The following CADPS2 variants were observed in gnomAD, a reference collection of about 807,000 sequenced individuals.
CADPS2 encodes calcium-dependent secretion activator 2.
A neutral mutation model predicts 172.5 loss-of-function variants in CADPS2; 93 were observed. The ratio of observed to expected loss-of-function variants is 0.54; its 90% CI spans 0.46 to 0.64. The LOEUF is 0.64. CADPS2 is among the 30% of genes least tolerant of loss of function. The pLI is 0.00. For synonymous variants in CADPS2, 546 were observed against 555.2 expected, an observed-to-expected ratio of 0.98 and a Z score of 0.23; for missense variants, 1,420 against 1,565.9, an observed-to-expected ratio of 0.91 and a Z score of 1.57.
intron 4 of CADPS2, among the ~76,000 whole-genome samples, chr7:122,626,303 G>A (rs894918690): frequency 6.6e-6 from 1 of 152,150 alleles, no homozygotes; most frequent in Non-Finnish European, 1.5e-5. Context: ...CAATGATCCA[G>A]ACAAGAGACA....
chr7:122,639,551 C>T (rs2077391606), intron 3 of CADPS2, among the ~76,000 whole-genome samples: 1 of 152,114 alleles, frequency 6.6e-6, no homozygotes, highest in Non-Finnish European at 1.5e-5. Context: ...TAGCTCTCCA[C>T]AATTTATTAC....
intron 6 of CADPS2, among the ~76,000 whole-genome samples, chr7:122,596,607 C>A (rs1463822896): frequency 6.6e-6 from 1 of 152,106 alleles, no homozygotes; most frequent in African/African-American, 2.4e-5. Context: ...GAAGTCATTA[C>A]CTATGTATGT....
intron 2 of CADPS2, among the ~76,000 whole-genome samples, chr7:122,717,885 C>T (rs1413556713): frequency 1.3e-5 from 2 of 151,626 alleles, no homozygotes; most frequent in Non-Finnish European, 2.9e-5. Context: ...TCATAGGTCA[C>T]TGCAGCCTTA....
At chr7:122,600,575 A>G (rs766439377) in intron 6 of CADPS2, among the ~76,000 whole-genome samples, 2 of 152,132 alleles carry the variant, frequency 1.3e-5, no homozygotes, top group Non-Finnish European at 2.9e-5. Flanking sequence ...AGTTTGCCAC[A>G]GCAGAAATCA....
intron 2 of CADPS2, chr7:122,676,757 A>G: frequency 7.8e-7 from 1 of 1,276,512 alleles, no homozygotes; most frequent in Non-Finnish European, 1.1e-6. Flanking sequence ...ATTATCATGG[A>G]GAAACTTCTC....
chr7:122,737,945 C>T (rs1323536497), intron 1 of CADPS2, among the ~76,000 whole-genome samples: 2 of 152,030 alleles, frequency 1.3e-5, no homozygotes, highest in Non-Finnish European at 2.9e-5. Context: ...AAACATACAT[C>T]AATACCTGAG....
intron 6 of CADPS2, chr7:122,585,590 A>AT (rs1299518383): frequency 6.6e-6 from 1 of 151,806 alleles, no homozygotes; most frequent in African/African-American, 2.4e-5. Context: ...AATACCAGTT[A>AT]TTGTCTTCCC....
chr7:122,414,318 AG>A (rs2047638216), intron 18 of CADPS2, among the ~76,000 whole-genome samples: 1 of 152,200 alleles, frequency 6.6e-6, no homozygotes, highest in Non-Finnish European at 1.5e-5. Flanking sequence ...AGTGATTGCA[AG>A]AAGTATAATT....
chr7:122,594,792 A>G (rs1174000163), intron 6 of CADPS2, among the ~76,000 whole-genome samples: 1 of 151,790 alleles, frequency 6.6e-6, no homozygotes, highest in Non-Finnish European at 1.5e-5. Context: ...ATTTTACTTG[A>G]CCAAGTAAAA....
At chr7:122,560,110 C>A (rs2065553887) in intron 7 of CADPS2, among the ~76,000 whole-genome samples, 1 of 152,060 alleles carries the variant, frequency 6.6e-6, no homozygotes, top group South Asian at 2.1e-4. Context: ...AGGGACATAT[C>A]ATGTTTGAGG....
intron 2 of CADPS2, among the ~76,000 whole-genome samples, chr7:122,715,472 G>T (rs6466836): frequency 0.86 from 130,871 of 152,038 alleles, 56,396 homozygotes; most frequent in Middle Eastern, 0.93. Context: ...TCCGTGCCTT[G>T]TAATTTAAAA....
At chr7:122,872,873 A>G (rs1820141685) in intron 1 of CADPS2, among the ~76,000 whole-genome samples, 1 of 152,160 alleles carries the variant, frequency 6.6e-6, no homozygotes, top group African/African-American at 2.4e-5. Context: ...CAATTTCCAG[A>G]GGAATGTCCA....
intron 25 of CADPS2, among the ~76,000 whole-genome samples, chr7:122,362,901 A>C (rs2040363315): frequency 6.6e-6 from 1 of 152,206 alleles, no homozygotes; most frequent in Admixed American, 6.5e-5. Flanking sequence ...TTTCTCCATC[A>C]CATCATTTGC....
At chr7:122,494,345 T>C (rs1168909912) in intron 9 of CADPS2, among the ~76,000 whole-genome samples, 1 of 152,192 alleles carries the variant, frequency 6.6e-6, no homozygotes, top group Non-Finnish European at 1.5e-5. Context: ...TGTATATGCA[T>C]TGTGTTCACT....
chr7:122,399,241 T>C (rs1043797423), intron 20 of CADPS2, among the ~76,000 whole-genome samples: 101 of 152,356 alleles, frequency 6.6e-4, no homozygotes, highest in African/African-American at 2.0e-3. Flanking sequence ...ATTTGAGTTA[T>C]ACTTCTACAA....
chr7:122,513,587 A>G (rs569327592), intron 8 of CADPS2, among the ~76,000 whole-genome samples: 1 of 152,358 alleles, frequency 6.6e-6, no homozygotes, highest in Non-Finnish European at 1.5e-5. Flanking sequence ...GGATAATCAA[A>G]GAACCAGTAG....
At chr7:122,812,877 C>G (rs539058769) in intron 1 of CADPS2, among the ~76,000 whole-genome samples, 3 of 152,130 alleles carry the variant, frequency 2.0e-5, no homozygotes, top group Non-Finnish European at 4.4e-5. Context: ...CTAGTACAAA[C>G]TTACTCTACA....
intron 1 of CADPS2, among the ~76,000 whole-genome samples, chr7:122,800,881 C>T (rs935102138): frequency 1.3e-5 from 2 of 151,432 alleles, no homozygotes; most frequent in African/African-American, 4.9e-5. Flanking sequence ...ATCCCAGCTA[C>T]TTGGGAGGCT....
At position 122,709,341 on chromosome 7, in the gene CADPS2, T is replaced by C. The variant is rs2088240119; in HGVS notation, c.453+27614A>G. Among the ~76,000 whole-genome samples, 11 of 151,886 alleles carry C rather than the reference T, an allele frequency of 7.2e-5. 1 individual carries two copies. Among genetic ancestry groups the C allele is most frequent in the Admixed American group, 6.6e-4 (10 of 15,220 alleles). ...TCACTGGCCATCAGAGAAATGCAAA[T>C]CAAAACCACAATGAGATACCATCTT... On this transcript the variant is annotated intron_variant, in intron 2 of 29. Coordinates refer to ENST00000449022, the MANE Select transcript of CADPS2 (RefSeq NM_017954.11).
Sources: allele counts gnomAD v4.1 joint callset (sites outside exome capture counted in the v4.1 genomes callset), GRCh38; gene constraint gnomAD v4.1.1; transcripts MANE v1.5; gene names NCBI Gene and HGNC (gene_info 2026-07-23, HGNC 2026-07-21).